The following SND1 variants were observed in gnomAD, a reference collection of about 807,000 sequenced individuals.
SND1 encodes staphylococcal nuclease and tudor domain containing 1, also known as staphylococcal nuclease domain-containing protein 1.
A neutral mutation model predicts 121.7 loss-of-function variants in SND1; 38 were observed. That is an observed-to-expected ratio of 0.31 (90% confidence interval 0.24 to 0.41). The LOEUF (loss-of-function observed/expected upper bound fraction) is 0.41. SND1 is among the 10% of genes least tolerant of loss of function. The pLI, the probability that SND1 is intolerant of heterozygous loss-of-function variation, is 1.00. For missense variants in SND1, 868 were observed against 1,184.6 expected, an observed-to-expected ratio of 0.73 and a Z score of 3.92; for synonymous variants, 401 against 447.4, an observed-to-expected ratio of 0.90 and a Z score of 1.31.
chr7:127,678,088 G>A (rs969148271), intron 1 of SND1, among the ~76,000 whole-genome samples: 30 of 152,152 alleles, frequency 2.0e-4, no homozygotes, highest in African/African-American at 6.8e-4. Flanking sequence ...TTTTAATTGA[G>A]AAAAAGATTT....
intron 16 of SND1, chr7:128,028,591 C>T: frequency 2.4e-6 from 3 of 1,250,230 alleles, no homozygotes; most frequent in Non-Finnish European, 3.4e-6. Context: ...TAAGCATATA[C>T]AAGAAAAAGT....
chr7:128,020,273 T>C (rs1216787133), intron 16 of SND1, among the ~76,000 whole-genome samples: 1 of 152,208 alleles, frequency 6.6e-6, no homozygotes. Context: ...GGGAAAGGCC[T>C]TCCCCCCTCC....
At chr7:127,706,075 G>A (rs1164724011) in intron 8 of SND1, among the ~76,000 whole-genome samples, 1 of 151,976 alleles carries the variant, frequency 6.6e-6, no homozygotes, top group East Asian at 1.9e-4. Flanking sequence ...TTTTTTTTAT[G>A]TTGTTCTACA....
chr7:127,661,112 G>C (rs1210376727), intron 1 of SND1, among the ~76,000 whole-genome samples: 1 of 152,166 alleles, frequency 6.6e-6, no homozygotes, highest in African/African-American at 2.4e-5. Flanking sequence ...AGAATTTTAT[G>C]AGGGGAGGAT....
intron 11 of SND1, among the ~76,000 whole-genome samples, chr7:127,812,181 G>A (rs571350747): frequency 1.2e-3 from 176 of 152,336 alleles, no homozygotes; most frequent in African/African-American, 4.1e-3. Context: ...TGTATACTGA[G>A]TCAGATATAG....
intron 10 of SND1, among the ~76,000 whole-genome samples, chr7:127,757,222 A>G (rs1182180939): frequency 1.3e-5 from 2 of 152,174 alleles, no homozygotes; most frequent in Non-Finnish European, 2.9e-5. Flanking sequence ...TTTTCATGCA[A>G]TGTAATGTCT....
At chr7:127,760,905 A>G (rs183602991) in intron 10 of SND1, among the ~76,000 whole-genome samples, 52 of 152,334 alleles carry the variant, frequency 3.4e-4, no homozygotes, top group Non-Finnish European at 5.3e-4. Context: ...CAGAAACTAT[A>G]TTGTAATCGC....
chr7:127,658,150 A>G (rs1351135217), intron 1 of SND1, among the ~76,000 whole-genome samples: 1 of 152,066 alleles, frequency 6.6e-6, no homozygotes, highest in Non-Finnish European at 1.5e-5. Context: ...TATCTCTACT[A>G]AAAATACAAA....
At chr7:127,857,357 T>C (rs2116674299) in intron 12 of SND1, among the ~76,000 whole-genome samples, 1 of 82,200 alleles carries the variant, frequency 1.2e-5, no homozygotes, top group African/African-American at 4.9e-5. Flanking sequence ...CGCCCCCGGC[T>C]AATTTTTTTT....
chr7:127,848,603 G>A (rs76812945), intron 12 of SND1, among the ~76,000 whole-genome samples: 3,464 of 152,198 alleles, frequency 0.023, 140 homozygotes, highest in African/African-American at 0.079. Context: ...GTAATCTGTC[G>A]GCTTATATAC....
chr7:127,694,919 G>A lies in SND1; in HGVS notation c.320G>A (p.Arg107Gln), dbSNP rs1795981461. The A allele has an allele frequency of 4.3e-6, 7 of 1,613,800 alleles. No homozygotes were observed. The highest frequency in any genetic ancestry group is 1.7e-5 in the Admixed American group (1 of 59,986). ...FTIENKTPQG[R>Q]EYGMIYLGKD... ...ATAGAAAACAAGACTCCCCAGGGGC[G>A]AGAGTATGGCATGATCTACCTTGGA... The change falls in exon 3 of 24, where the codon CGA becomes CAA. Residue 107 changes from arginine to glutamine, a missense_variant. Physicochemically the swap from Arg to Gln is conservative, Grantham distance 43 (BLOSUM62 1). Transcript: ENST00000354725.
chr7:128,023,680 A>C (rs548463806), intron 16 of SND1, among the ~76,000 whole-genome samples: 1 of 152,302 alleles, frequency 6.6e-6, no homozygotes, highest in South Asian at 2.1e-4. Context: ...CTAGATCATC[A>C]TCCTTCTTCT....
chr7:127,746,017 C>T (rs770253553), intron 10 of SND1, among the ~76,000 whole-genome samples: 1 of 152,192 alleles, frequency 6.6e-6, no homozygotes, highest in Non-Finnish European at 1.5e-5. Flanking sequence ...GCTCCTTTAT[C>T]TGCTGAGGAA....
At chr7:127,656,468 G>A (rs1482868189) in intron 1 of SND1, among the ~76,000 whole-genome samples, 5 of 151,814 alleles carry the variant, frequency 3.3e-5, no homozygotes, top group East Asian at 3.9e-4. Context: ...GATTACAGGC[G>A]CGTGTCAGCA....
chr7:127,842,972 G>A (rs1168033682), intron 11 of SND1, among the ~76,000 whole-genome samples: 2 of 152,166 alleles, frequency 1.3e-5, no homozygotes, highest in Admixed American at 6.5e-5. Context: ...TTATCATAAT[G>A]TCTAGGAGTC....
intron 13 of SND1, among the ~76,000 whole-genome samples, chr7:127,898,664 G>A (rs1414920797): frequency 6.6e-6 from 1 of 152,034 alleles, no homozygotes; most frequent in Non-Finnish European, 1.5e-5. Context: ...CTTTTCTGTT[G>A]GAATTAATTT....
At chr7:127,975,954 G>C (rs944536576) in intron 15 of SND1, among the ~76,000 whole-genome samples, 13 of 152,188 alleles carry the variant, frequency 8.5e-5, no homozygotes, top group African/African-American at 3.1e-4. Flanking sequence ...TGTGACAGTT[G>C]CTATGTCCCA....
chr7:127,892,892 C>T (rs1250054107), intron 13 of SND1, among the ~76,000 whole-genome samples: 1 of 151,716 alleles, frequency 6.6e-6, no homozygotes, highest in Non-Finnish European at 1.5e-5. Context: ...ATATGGACTC[C>T]TTAGGGAGTG....
At chr7:127,745,760 A>G (rs1237967959) in intron 10 of SND1, among the ~76,000 whole-genome samples, 1 of 152,186 alleles carries the variant, frequency 6.6e-6, no homozygotes, top group Non-Finnish European at 1.5e-5. Context: ...GAGTGGCTTG[A>G]TCATAGACTT....
Sources: gnomAD v4.1 joint callset for allele counts (sites outside exome capture counted in the v4.1 genomes callset) on GRCh38, gnomAD v4.1.1 for gene constraint, MANE v1.5 for transcripts, NCBI Gene and HGNC (gene_info 2026-07-23, HGNC 2026-07-21) for gene names.